The following RRP12 variants were observed in gnomAD, a reference collection of about 807,000 sequenced individuals.
RRP12 encodes RRP12-like protein.
In RRP12, 78 loss-of-function variants were observed where a neutral mutation model predicts 157.3. The ratio of observed to expected loss-of-function variants is 0.50; its 90% CI spans 0.41 to 0.60. The LOEUF (loss-of-function observed/expected upper bound fraction) is 0.60, where lower values mean the gene tolerates loss of function less well. Among genes scored for constraint, RRP12 ranks in the 20% least tolerant of loss-of-function variants. The pLI is 0.00. For missense variants in RRP12, 1,521 were observed against 1,679.9 expected, an observed-to-expected ratio of 0.91 and a Z score of 1.65; for synonymous variants, 726 against 670.9, an observed-to-expected ratio of 1.08 and a Z score of -1.27.
chr10:97,368,099 C>G (rs1342629324), intron 25 of RRP12, among the ~76,000 whole-genome samples: 3 of 145,386 alleles, frequency 2.1e-5, no homozygotes, highest in Non-Finnish European at 4.5e-5. Context: ...GGCATGGTCT[C>G]GGATCACTGC....
intron 15 of RRP12, 119 bp from the exon 16 acceptor site, chr10:97,374,013 T>C (rs1844235324): frequency 1.4e-6 from 1 of 736,912 alleles, no homozygotes; most frequent in Non-Finnish European, 2.3e-6. Context: ...CTTCCCCCCA[T>C]CTCCATGAAT....
At chr10:97,368,647 T>C (rs1844055858) in intron 25 of RRP12, among the ~76,000 whole-genome samples, 1 of 152,222 alleles carries the variant, frequency 6.6e-6, no homozygotes. Context: ...TGTGAGCCAC[T>C]GCAGCCGGCC....
chr10:97,366,174 C>G lies in RRP12; in HGVS notation c.3451G>C (p.Asp1151His), dbSNP rs149984643. 9 of 1,610,268 alleles carry G rather than the reference C, an allele frequency of 5.6e-6. No homozygotes were observed. Among genetic ancestry groups the G allele is most frequent in the Non-Finnish European group, 7.6e-6 (9 of 1,179,958 alleles). The change falls in exon 29 of 34, where the codon GAT (aspartate) becomes CAT (histidine). Residue 1151 changes from aspartate (D) to histidine (H), a missense_variant. Physicochemically the swap from Asp to His is moderately conservative, Grantham distance 81 (BLOSUM62 -1). Coordinates refer to ENST00000370992, the MANE Select transcript of RRP12 (RefSeq NM_015179.4). ...TCCTCCCTTATGATCAGCCGGCCAT[C>G]GGCGCTCACCTTGAAGCCGTGGTCC... ...KKDHGFKVSADGRLIIREEAD... is the reference protein window; with the variant it reads ...KKDHGFKVSAHGRLIIREEAD...
At chr10:97,378,698 A>T (rs993794034) in intron 15 of RRP12, among the ~76,000 whole-genome samples, 1 of 152,054 alleles carries the variant, frequency 6.6e-6, no homozygotes, top group African/African-American at 2.4e-5. Context: ...CGCTACTAAA[A>T]ATACAAAAAT....
At chr10:97,381,512 G>T in intron 11 of RRP12, 29 bp from the exon 12 acceptor site, 1 of 1,545,702 alleles carries the variant, frequency 6.5e-7, no homozygotes, top group Non-Finnish European at 8.8e-7. Flanking sequence ...GGCTTTCTGG[G>T]CCCAAGGCAG....
In RRP12 at chr10:97,366,916, G is replaced by T. The variant is rs764326619; in HGVS notation, c.3048-7C>A. On this transcript the variant is annotated splice_polypyrimidine_tract_variant and splice_region_variant and intron_variant, in intron 26 of 33. Coordinates refer to ENST00000370992, the MANE Select transcript of RRP12 (RefSeq NM_015179.4). ...CCTTTTCACCAGCTCAAATCTGGAG[G>T]TGGCAAGGAAGGGCTGGTGAGAGGC... 6.2e-7 allele frequency: 1 copy of T among 1,612,288 alleles called. No homozygotes were observed. The highest frequency in any genetic ancestry group is 1.7e-5 in the Admixed American group (1 of 59,970).
intron 30 of RRP12, among the ~76,000 whole-genome samples, chr10:97,360,947 C>T (rs150512824): frequency 1.3e-5 from 2 of 152,338 alleles, no homozygotes; most frequent in Non-Finnish European, 2.9e-5. Flanking sequence ...CCCAGCCTTC[C>T]TAATGGGGAA....
intron 19 of RRP12, 47 bp from the exon 20 acceptor site, chr10:97,372,213 G>C: frequency 6.8e-7 from 1 of 1,470,360 alleles, no homozygotes; most frequent in East Asian, 2.3e-5. Flanking sequence ...GCTGGAGAAG[G>C]GCGCAGACTA....
At position 97,401,183 on chromosome 10, in the gene RRP12, G is replaced by A. The variant is rs765362051; in HGVS notation, c.49C>T (p.Arg17Cys). Residue 17 changes from arginine to cysteine, a missense_variant, in exon 1 of 34, where the codon CGC (arginine) becomes TGC (cysteine). By Grantham distance (180) the Arg-to-Cys change is radical. Coordinates refer to ENST00000370992, the MANE Select transcript of RRP12 (RefSeq NM_015179.4). ...LPSGVSAKLK[R>C]WKKGHSSDSN... is the part of the protein sequence containing the mutation. ...TCGCTGCTGTGGCCTTTCTTCCAGC[G>A]CTTCAACTTAGCTGAGACACCAGAA... 3 of 1,614,168 alleles carry A rather than the reference G, an allele frequency of 1.9e-6. No homozygotes were observed. Among genetic ancestry groups the A allele is most frequent in the Admixed American group, 3.3e-5 (2 of 60,006 alleles).
intron 30 of RRP12, among the ~76,000 whole-genome samples, chr10:97,362,214 A>G (rs1250296818): frequency 6.6e-6 from 1 of 151,720 alleles, no homozygotes; most frequent in Admixed American, 6.6e-5. Context: ...GGGCCCTCTC[A>G]GTGCCTGGAG....
rs548342202 is a variant in RRP12, at chr10:97,395,850, CA to C, written c.453+367del. ...TGGGCGACAGTGTGAGACTCCGCCT[CA>C]AAAAAAAAAAAAAAAAAAGTAATAA... On this transcript the variant is annotated intron_variant, in intron 3 of 33. Transcript: ENST00000370992. Among the ~76,000 whole-genome samples, 280 of 105,372 alleles carry C rather than the reference CA, an allele frequency of 2.7e-3. 1 individual carries two copies. Among genetic ancestry groups the C allele is most frequent in the East Asian group, 8.0e-3 (27 of 3,396 alleles). The allele number at this position is 105,372 out of a possible 152,430, so 69.1% of individuals were successfully genotyped here.
At chr10:97,392,001 G>GTTTT (rs59302286) in intron 4 of RRP12, among the ~76,000 whole-genome samples, 2 of 147,754 alleles carry the variant, frequency 1.4e-5, no homozygotes, top group Non-Finnish European at 1.5e-5. Flanking sequence ...CATGTTGTGG[G>GTTTT]TTTTTTTTTT....
chr10:97,376,045 G>A (rs528262878), intron 15 of RRP12, among the ~76,000 whole-genome samples: 39 of 152,142 alleles, frequency 2.6e-4, no homozygotes, highest in Non-Finnish European at 5.1e-4. Context: ...GGAGGTTGCA[G>A]TGAGCCAAGA....
At chr10:97,393,039 G>A (rs1004374673) in intron 4 of RRP12, among the ~76,000 whole-genome samples, 2 of 152,056 alleles carry the variant, frequency 1.3e-5, no homozygotes, top group South Asian at 2.1e-4. Context: ...AGCCTACCCA[G>A]CTAATTTTTA....
Position 97,376,212 on chromosome 10 carries a change from C to CTTTTTT in RRP12, c.1799-2324_1799-2319dup, listed in dbSNP as rs771016888. Among the ~76,000 whole-genome samples the CTTTTTT allele has an allele frequency of 6.6e-4, 71 of 107,520 alleles. 5 individuals carry two copies. Among genetic ancestry groups the CTTTTTT allele is most frequent in the African/African-American group, 1.3e-3 (35 of 26,630 alleles). The allele number at this position is 107,520 out of a possible 152,430, so 70.5% of individuals were successfully genotyped here. ...GGGAAGACTGAATGACTTTTACTTT[C>CTTTTTT]TTTTTTTTTTTTTTTTTTTTGAGAT... is the stretch of plus-strand genomic sequence containing the variant. On this transcript the variant is annotated intron_variant, in intron 15 of 33. Coordinates refer to ENST00000370992, the MANE Select transcript of RRP12 (RefSeq NM_015179.4).
In RRP12 at chr10:97,362,722, A is replaced by T. The variant is rs115946082; in HGVS notation, c.3567+1132T>A. ...ATCCCAGAGGGGCTTCCCGCATCAGAGGCTGCTCAGGTCCTCAGCTACTCT... is the reference window on the plus strand; with the variant it reads ...ATCCCAGAGGGGCTTCCCGCATCAGTGGCTGCTCAGGTCCTCAGCTACTCT... On this transcript the variant is annotated intron_variant, in intron 30 of 33. Coordinates refer to ENST00000370992, the MANE Select transcript of RRP12 (RefSeq NM_015179.4). Among the ~76,000 whole-genome samples, 1,268 of 152,294 alleles carry T rather than the reference A, an allele frequency of 8.3e-3. 19 individuals are homozygous for T. The highest frequency in any genetic ancestry group is 0.029 in the African/African-American group (1,213 of 41,556).
chr10:97,360,886 TG>T (rs897855151), intron 30 of RRP12, among the ~76,000 whole-genome samples: 1 of 152,234 alleles, frequency 6.6e-6, no homozygotes, highest in Non-Finnish European at 1.5e-5. Flanking sequence ...CTTTCCACTC[TG>T]GGCCCCACCC....
At chr10:97,398,028 T>TAC (rs1564772530) in intron 2 of RRP12, among the ~76,000 whole-genome samples, 1 of 97,404 alleles carries the variant, frequency 1.0e-5, no homozygotes, top group African/African-American at 4.5e-5. Flanking sequence ...TATATGTATA[T>TAC]ATATATACGT....
At chr10:97,376,720 C>A (rs75351022) in intron 15 of RRP12, among the ~76,000 whole-genome samples, 1 of 151,970 alleles carries the variant, frequency 6.6e-6, no homozygotes, top group Non-Finnish European at 1.5e-5. Context: ...CATCCCCCAA[C>A]GGTAACAACC....
Sources: gnomAD v4.1 joint callset for allele counts (sites outside exome capture counted in the v4.1 genomes callset) on GRCh38, gnomAD v4.1.1 for gene constraint, MANE v1.5 for transcripts, NCBI Gene and HGNC (gene_info 2026-07-23, HGNC 2026-07-21) for gene names.